The following IARS1 variants were observed in gnomAD, a reference collection of about 807,000 sequenced individuals.
IARS1 encodes isoleucine--tRNA ligase, cytoplasmic.
In IARS1, 124 loss-of-function variants were observed where a neutral mutation model predicts 168.2. The ratio of observed to expected loss-of-function variants is 0.74; its 90% CI spans 0.64 to 0.86. The LOEUF is 0.86. Ranked by LOEUF, IARS1 falls within the 40% of genes least tolerant of loss-of-function variation. The pLI, the probability that IARS1 is intolerant of heterozygous loss-of-function variation, is 0.00. For synonymous variants in IARS1, 532 were observed against 529.4 expected (o/e 1.00, Z -0.07); for missense variants, 1,452 against 1,515.8 (o/e 0.96, Z 0.70).
At chr9:92,212,095 C>T (rs1837854183) in intron 33 of IARS1, among the ~76,000 whole-genome samples, 1 of 152,160 alleles carries the variant, frequency 6.6e-6, no homozygotes, top group Admixed American at 6.6e-5. Context: ...TCCTACCTAG[C>T]AGCAATCCTA....
At chr9:92,231,113 T>A (rs542809471) in intron 30 of IARS1, among the ~76,000 whole-genome samples, 1 of 152,338 alleles carries the variant, frequency 6.6e-6, no homozygotes, top group East Asian at 1.9e-4. Flanking sequence ...TTTTCCCTTT[T>A]AAGGACAGTG....
At chr9:92,212,057 G>C (rs916531495) in intron 33 of IARS1, among the ~76,000 whole-genome samples, 1 of 152,144 alleles carries the variant, frequency 6.6e-6, no homozygotes, top group African/African-American at 2.4e-5. Context: ...AAAGCAAACA[G>C]ATGAGCTTCC....
chr9:92,283,828 T>C (rs182694901), intron 6 of IARS1, among the ~76,000 whole-genome samples: 19 of 152,166 alleles, frequency 1.2e-4, no homozygotes, highest in Admixed American at 8.5e-4. Context: ...GATTAAACCA[T>C]TAGAAATATG....
chr9:92,230,451 T>G (rs1413445854), intron 30 of IARS1, among the ~76,000 whole-genome samples: 1 of 152,214 alleles, frequency 6.6e-6, no homozygotes, highest in Non-Finnish European at 1.5e-5. Flanking sequence ...AATAAGTTAC[T>G]GTGCTGATAG....
chr9:92,268,496 A>G (rs1401382242), intron 13 of IARS1, among the ~76,000 whole-genome samples, 196 bp from the exon 14 acceptor site: 1 of 152,140 alleles, frequency 6.6e-6, no homozygotes, highest in African/African-American at 2.4e-5. Context: ...AATGACCTAC[A>G]TCCAATAGAT....
In IARS1 at chr9:92,250,204, T is replaced by C. The variant is rs1177409326; in HGVS notation, c.2515A>G (p.Lys839Glu). 2 of 1,608,262 alleles carry C rather than the reference T, an allele frequency of 1.2e-6. No individual in the cohort carries two copies. The highest frequency in any genetic ancestry group is 1.7e-6 in the Non-Finnish European group (2 of 1,174,644). ...IELGRVIRDR[K>E]TIPIKYPLKE... ...TTTCAAACCTTTATGGGAATAGTTT[T>C]TCGGTCTCTGATCACTCTTCCAAGT... The change falls in exon 24 of 34, where the codon AAA becomes GAA. Residue 839 changes from lysine (K) to glutamate (E), a missense_variant. Physicochemically the swap from Lys to Glu is moderately conservative, Grantham distance 56. Transcript: ENST00000443024.
intron 12 of IARS1, among the ~76,000 whole-genome samples, 188 bp downstream of exon 12, chr9:92,270,797 A>G (rs1232459762): frequency 2.6e-5 from 4 of 152,148 alleles, no homozygotes; most frequent in Non-Finnish European, 4.4e-5. Flanking sequence ...CCCTATCTCA[A>G]AACAACAACA....
chr9:92,229,386 C>CACAT (rs1826305236), intron 30 of IARS1, among the ~76,000 whole-genome samples: 2 of 150,358 alleles, frequency 1.3e-5, no homozygotes, highest in Admixed American at 1.3e-4. Context: ...CACACACACA[C>CACAT]ACATCTCCAT....
chr9:92,251,931 G>A, intron 21 of IARS1, 46 bp from the exon 22 acceptor site: 1 of 1,308,330 alleles, frequency 7.6e-7, no homozygotes, highest in African/African-American at 1.5e-5. Context: ...TTAAATAAGT[G>A]TTTATCATTA....
intron 29 of IARS1, 127 bp from the exon 30 acceptor site, chr9:92,241,088 C>T: frequency 1.8e-6 from 1 of 559,950 alleles, no homozygotes; most frequent in Non-Finnish European, 3.3e-6. Context: ...TATTCAATCT[C>T]ATTACTCAAA....
At chr9:92,237,853 T>C (rs150717182) in intron 30 of IARS1, among the ~76,000 whole-genome samples, 59 of 152,330 alleles carry the variant, frequency 3.9e-4, no homozygotes, top group African/African-American at 1.4e-3. Flanking sequence ...AAGTTTGTTA[T>C]AGACAGCATA....
Position 92,244,467 on chromosome 9 carries a change from G to C in IARS1, c.2904+492C>G, listed in dbSNP as rs143539220. 3.9e-3 allele frequency among the ~76,000 whole-genome samples: 590 copies of C among 152,222 alleles called. 2 individuals carry two copies. Among genetic ancestry groups the C allele is most frequent in the African/African-American group, 0.013 (548 of 41,530 alleles). ...TATGCTGACTGGGGATGTCTGGTCAGGACTGCAAAGAGATAGTCTCTTCTC... is the reference window on the plus strand; with the variant it reads ...TATGCTGACTGGGGATGTCTGGTCACGACTGCAAAGAGATAGTCTCTTCTC... On this transcript the variant is annotated intron_variant, in intron 27 of 33. Transcript: ENST00000443024.
intron 17 of IARS1, 82 bp downstream of exon 17, chr9:92,262,887 A>G: frequency 2.0e-6 from 2 of 976,766 alleles, no homozygotes; most frequent in Non-Finnish European, 3.3e-6. Flanking sequence ...TCACTACAAC[A>G]AAGTTGACCG....
intron 5 of IARS1, among the ~76,000 whole-genome samples, chr9:92,286,282 G>A (rs562198571): frequency 3.3e-5 from 5 of 152,150 alleles, no homozygotes; most frequent in Non-Finnish European, 7.4e-5. Context: ...CAAGAGAATC[G>A]CTTGAACCTG....
At chr9:92,228,100 A>G (rs1233720162) in intron 31 of IARS1, among the ~76,000 whole-genome samples, 1 of 152,196 alleles carries the variant, frequency 6.6e-6, no homozygotes, top group Non-Finnish European at 1.5e-5. Flanking sequence ...TCAGGAGGCC[A>G]AGGCTGGCGG....
intron 10 of IARS1, among the ~76,000 whole-genome samples, chr9:92,273,509 C>CA: frequency 6.6e-6 from 1 of 152,150 alleles, no homozygotes; most frequent in East Asian, 1.9e-4. Flanking sequence ...GAGAGATTGC[C>CA]AAAACATTGA....
chr9:92,213,285 C>T (rs556148155), intron 33 of IARS1, among the ~76,000 whole-genome samples: 2 of 152,206 alleles, frequency 1.3e-5, no homozygotes, highest in South Asian at 2.1e-4. Context: ...GGAAGTCCAA[C>T]AAATCTCTGC....
chr9:92,291,921 A>G (rs964248572), intron 1 of IARS1, among the ~76,000 whole-genome samples: 7 of 151,946 alleles, frequency 4.6e-5, no homozygotes, highest in Admixed American at 3.3e-4. Flanking sequence ...GAACATCACC[A>G]CTCTTGCACT....
rs987186487 is a variant in IARS1 at position 92,293,693 on chromosome 9, C to T, written c.-90G>A. 4.1e-5 allele frequency: 11 copies of T among 267,574 alleles called. No homozygotes were observed. Among genetic ancestry groups the T allele is most frequent in the African/African-American group, 2.0e-4 (9 of 45,020 alleles). 16.6% of individuals were successfully genotyped at this position (267,574 alleles called of 1,614,324 possible). On this transcript the variant is annotated 5_prime_UTR_variant, in exon 1 of 34. Coordinates refer to ENST00000443024, the MANE Select transcript of IARS1 (RefSeq NM_002161.6). ...ATCCGGCGTCCACGCTGCAACCGGGCGCACGGAGGTGATGCAACGCGCTGA... is the reference window on the plus strand; with the variant it reads ...ATCCGGCGTCCACGCTGCAACCGGGTGCACGGAGGTGATGCAACGCGCTGA...
Sources: gnomAD v4.1 joint callset for allele counts (sites outside exome capture counted in the v4.1 genomes callset) on GRCh38, gnomAD v4.1.1 for gene constraint, MANE v1.5 for transcripts, NCBI Gene and HGNC (gene_info 2026-07-23, HGNC 2026-07-21) for gene names.